LRPPRC: variants seen among roughly 807,000 people sequenced by gnomAD.
LRPPRC encodes leucine-rich PPR motif-containing protein, mitochondrial.
LRPPRC carries 120 observed loss-of-function variants against 180.3 expected under a neutral mutation model. The ratio of observed to expected loss-of-function variants is 0.67; its 90% CI spans 0.57 to 0.77. LRPPRC has a LOEUF of 0.77. LRPPRC is among the 30% of genes least tolerant of loss of function. The pLI, the probability that LRPPRC is intolerant of heterozygous loss-of-function variation, is 0.00. For missense variants in LRPPRC, 2,012 were observed against 1,657.2 expected (o/e 1.21, Z -3.72); for synonymous variants, 723 against 600.0 (o/e 1.21, Z -3.00).
chr2:43,995,493 T>C (rs777268661), intron 1 of LRPPRC, among the ~76,000 whole-genome samples: 3 of 152,292 alleles, frequency 2.0e-5, no homozygotes, highest in Non-Finnish European at 2.9e-5. Context: ...CCCAAAGCAG[T>C]CTTCAAAGCC....
At chr2:43,951,966 G>A (rs1421831252) in intron 14 of LRPPRC, among the ~76,000 whole-genome samples, 1 of 152,294 alleles carries the variant, frequency 6.6e-6, no homozygotes, top group South Asian at 2.1e-4. Context: ...GGCTGAGGTG[G>A]GTAGATCACC....
chr2:43,989,376 C>G (rs1674673647), intron 1 of LRPPRC, among the ~76,000 whole-genome samples: 1 of 152,214 alleles, frequency 6.6e-6, no homozygotes, highest in Non-Finnish European at 1.5e-5. Flanking sequence ...CGAGATTTCC[C>G]TTCCATCTCC....
At chr2:43,904,824 A>G (rs1671016067) in intron 31 of LRPPRC, 1 of 152,182 alleles carries the variant, frequency 6.6e-6, no homozygotes, top group East Asian at 1.9e-4. Context: ...AGCTTTTTCA[A>G]CCTTTCTTGA....
intron 36 of LRPPRC, among the ~76,000 whole-genome samples, chr2:43,894,199 G>A (rs916375193): frequency 5.3e-5 from 8 of 152,090 alleles, no homozygotes; most frequent in African/African-American, 1.9e-4. Context: ...CAGGTGGCAG[G>A]CCCTTGGGGA....
intron 11 of LRPPRC, 39 bp from the exon 12 acceptor site, chr2:43,963,745 T>C (rs1365694170): frequency 2.9e-6 from 3 of 1,045,772 alleles, no homozygotes; most frequent in South Asian, 1.3e-5. Context: ...ATAGAGAACT[T>C]AGAATAAAGT....
At position 43,974,171 on chromosome 2, in the gene LRPPRC, T is replaced by A; in HGVS notation, c.1134A>T (p.Gln378His). The A allele has an allele frequency of 6.2e-7, 1 of 1,613,900 alleles. No homozygotes were observed. The highest frequency in any genetic ancestry group is 1.1e-5 in the South Asian group (1 of 91,080). ...GPSVFGSFFL[Q>H]HCVTMNTPVE... is the part of the protein sequence containing the mutation. ...ATACCGTATTCATAGTCACACAGTG[T>A]TGTAAAAAGAAACTGCCAAAGACAC... The change falls in exon 9 of 38, where the codon CAA becomes CAT. Residue 378 changes from glutamine (Q) to histidine (H), a missense_variant. By Grantham distance (24) the Gln-to-His change is conservative. Coordinates refer to ENST00000260665, the MANE Select transcript of LRPPRC (RefSeq NM_133259.4).
chr2:43,966,336 G>A (rs904276189), intron 11 of LRPPRC, among the ~76,000 whole-genome samples: 6 of 152,018 alleles, frequency 3.9e-5, no homozygotes, highest in Non-Finnish European at 7.4e-5. Flanking sequence ...CAGTTATACG[G>A]TAAATAAGTT....
intron 13 of LRPPRC, among the ~76,000 whole-genome samples, chr2:43,958,556 TAA>T (rs1389978259): frequency 6.6e-6 from 1 of 152,198 alleles, no homozygotes; most frequent in Non-Finnish European, 1.5e-5. Flanking sequence ...TTTGAAAATC[TAA>T]AAGTCACTTT....
At chr2:43,924,125 T>C (rs1671792229) in intron 27 of LRPPRC, among the ~76,000 whole-genome samples, 1 of 152,168 alleles carries the variant, frequency 6.6e-6, no homozygotes, top group Non-Finnish European at 1.5e-5. Flanking sequence ...TGGTAATAAA[T>C]ACAAGTTTGA....
Position 43,925,960 on chromosome 2 carries a change from G to T in LRPPRC, c.2738C>A (p.Thr913Asn). The change falls in exon 26 of 38, where the codon ACT (threonine) becomes AAT (asparagine). Residue 913 changes from threonine to asparagine, a missense_variant and splice_region_variant. Thr to Asn is a moderately conservative substitution (Grantham distance 65, BLOSUM62 0). Coordinates refer to ENST00000260665, the MANE Select transcript of LRPPRC (RefSeq NM_133259.4). Reference sequence around the variant, plus strand: ...TGCAGATCGAGCTCTAATCCCTGGAGTCTGTAAAATAAAATAATCACATAG... The same window carrying T: ...TGCAGATCGAGCTCTAATCCCTGGATTCTGTAAAATAAAATAATCACATAG... ...NYKEAKKIIE[T>N]PGIRARSARL... 3 of 1,596,790 alleles carry T rather than the reference G, an allele frequency of 1.9e-6. No individual in the cohort carries two copies. The highest frequency in any genetic ancestry group is 2.6e-6 in the Non-Finnish European group (3 of 1,164,212).
intron 34 of LRPPRC, among the ~76,000 whole-genome samples, chr2:43,898,939 C>G (rs1031132999): frequency 6.6e-6 from 1 of 152,238 alleles, no homozygotes; most frequent in African/African-American, 2.4e-5. Flanking sequence ...ATCATTTCAG[C>G]GAAACTCGCT....
Position 43,899,229 on chromosome 2 carries a change from G to C in LRPPRC, c.3815C>G (p.Ala1272Gly), listed in dbSNP as rs370011265. 2.0e-5 allele frequency: 32 copies of C among 1,612,982 alleles called. No individual in the cohort carries two copies. Among genetic ancestry groups the C allele is most frequent in the Non-Finnish European group, 2.7e-5 (32 of 1,179,130 alleles). The change falls in exon 34 of 38, where the codon GCT (alanine) becomes GGT (glycine). Residue 1272 changes from alanine to glycine, a missense_variant. Coordinates refer to ENST00000260665, the MANE Select transcript of LRPPRC (RefSeq NM_133259.4). Reference protein sequence around the residue: ...VDAGKVDDARALLQRCGAIAE... With the variant: ...VDAGKVDDARGLLQRCGAIAE... ...GTGGAGGGTCATTACCTGTAGGAGA[G>C]CTCTGGCATCATCCACCTTGCCTGC...
intron 25 of LRPPRC, among the ~76,000 whole-genome samples, chr2:43,931,867 C>CAATTTG (rs1672100474): frequency 6.6e-6 from 1 of 152,016 alleles, no homozygotes; most frequent in Non-Finnish European, 1.5e-5. Flanking sequence ...TGCATGGCTT[C>CAATTTG]CCAGTTGGAC....
At chr2:43,918,976 C>G (rs1024682434) in intron 27 of LRPPRC, among the ~76,000 whole-genome samples, 2 of 151,856 alleles carry the variant, frequency 1.3e-5, no homozygotes, top group African/African-American at 4.8e-5. Flanking sequence ...ATACATATAT[C>G]TATGATCTTT....
chr2:43,888,596 T>G lies in LRPPRC; in HGVS notation c.*4A>C. On this transcript the variant is annotated 3_prime_UTR_variant, in exon 38 of 38. Transcript: ENST00000260665. ...TATACAAAACAAAGTATCGCCTGGT[T>G]ATTTCAAGAAGAGTTTTCCCTCAAT... 1 of 1,554,286 alleles carries G rather than the reference T, an allele frequency of 6.4e-7. No individual in the cohort carries two copies. The highest frequency in any genetic ancestry group is 8.9e-7 in the Non-Finnish European group (1 of 1,125,664).
intron 11 of LRPPRC, among the ~76,000 whole-genome samples, chr2:43,965,234 T>TCA (rs1673504744): frequency 6.6e-6 from 1 of 152,182 alleles, no homozygotes; most frequent in Non-Finnish European, 1.5e-5. Flanking sequence ...ACTCCTGACC[T>TCA]CGTGATCCTA....
At chr2:43,980,574 GA>G (rs746096602) in intron 2 of LRPPRC, among the ~76,000 whole-genome samples, 42,209 of 103,680 alleles carry the variant, frequency 0.41, 8,061 homozygotes, top group African/African-American at 0.58. Context: ...AAAAAAAGAA[GA>G]AAGAAAGAAA....
intron 31 of LRPPRC, 109 bp from the exon 32 acceptor site, chr2:43,901,633 G>T: frequency 1.4e-6 from 1 of 715,036 alleles, no homozygotes; most frequent in Non-Finnish European, 2.5e-6. Context: ...TAAACAAAAA[G>T]CTATGAATAA....
chr2:43,923,842 A>C (rs1671783420), intron 27 of LRPPRC, among the ~76,000 whole-genome samples: 1 of 152,150 alleles, frequency 6.6e-6, no homozygotes, highest in South Asian at 2.1e-4. Context: ...TTGTTTTTAA[A>C]AGGAAGAAAA....
Sources: gnomAD v4.1 joint callset for allele counts (sites outside exome capture counted in the v4.1 genomes callset) on GRCh38, gnomAD v4.1.1 for gene constraint, MANE v1.5 for transcripts, NCBI Gene and HGNC (gene_info 2026-07-23, HGNC 2026-07-21) for gene names.